ALLC: variants seen among roughly 807,000 people sequenced by gnomAD.
The protein encoded by ALLC is probable inactive allantoicase.
In ALLC, 40 loss-of-function variants were observed where a neutral mutation model predicts 45.0. That is an observed-to-expected ratio of 0.89 (90% CI 0.69 to 1.16). ALLC has a LOEUF of 1.16. ALLC is among the 50% of genes most tolerant of loss of function. The pLI is 0.00. For synonymous variants in ALLC, 176 were observed against 178.1 expected (o/e 0.99, Z 0.09); for missense variants, 488 against 493.1 (o/e 0.99, Z 0.10).
At chr2:3,665,098 G>A (rs1666671076) in intron 1 of ALLC, among the ~76,000 whole-genome samples, 1 of 152,154 alleles carries the variant, frequency 6.6e-6, no homozygotes, top group Admixed American at 6.5e-5. Context: ...TGATGAGTCA[G>A]CCTGCCTGTT....
rs112327491 is a variant in ALLC, at chr2:3,689,521, G to A, written c.512-6196G>A. Among the ~76,000 whole-genome samples, 275 of 151,056 alleles carry A rather than the reference G, an allele frequency of 1.8e-3. 2 individuals are homozygous for A. The highest frequency in any genetic ancestry group is 6.3e-3 in the African/African-American group (263 of 41,430). ...CATGTGTTTGTGTATTTTCCAATGT[G>A]TCTCTTATTATTGATTTCTAGTTTT... On this transcript the variant is annotated intron_variant, in intron 7 of 11. Coordinates refer to ENST00000252505, the MANE Select transcript of ALLC (RefSeq NM_018436.4).
At chr2:3,692,440 C>A (rs1667547908) in intron 7 of ALLC, among the ~76,000 whole-genome samples, 1 of 152,188 alleles carries the variant, frequency 6.6e-6, no homozygotes, top group Non-Finnish European at 1.5e-5. Context: ...ACATTCAAAG[C>A]CACCATGGGC....
chr2:3,663,975 A>C (rs1052184701), intron 1 of ALLC, among the ~76,000 whole-genome samples: 5 of 152,218 alleles, frequency 3.3e-5, no homozygotes, highest in African/African-American at 1.2e-4. Context: ...ATGTCATTAG[A>C]TTTAAATTTA....
chr2:3,649,243 C>CTTTT, the ALLC span, among the ~76,000 whole-genome samples: 1 of 140,502 alleles, frequency 7.1e-6, no homozygotes, highest in Non-Finnish European at 1.6e-5. Context: ...CCAAACACTT[C>CTTTT]TTTTTTTTTT....
In ALLC at chr2:3,701,632, C is replaced by T. The variant is rs774707769; in HGVS notation, c.971C>T (p.Thr324Ile). The T allele has an allele frequency of 1.1e-5, 17 of 1,611,242 alleles. No homozygotes were observed. Among genetic ancestry groups the T allele is most frequent in the Admixed American group, 1.7e-5 (1 of 59,870 alleles). Residue 324 changes from threonine to isoleucine, a missense_variant, in exon 11 of 12, where the codon ACC (threonine) becomes ATC (isoleucine). Physicochemically the swap from Thr to Ile is moderately conservative, Grantham distance 89. Transcript: ENST00000252505. ...AAGTGGAAACCACTGCTTCCAGTGACCAAGGTTCGTGTGGCATGTTATTCG... is the reference window on the plus strand; with the variant it reads ...AAGTGGAAACCACTGCTTCCAGTGATCAAGGTTCGTGTGGCATGTTATTCG... ...AHKWKPLLPV[T>I]KLSPNQSHLF...
chr2:3,651,201 A>T, the ALLC span, among the ~76,000 whole-genome samples: 1 of 151,550 alleles, frequency 6.6e-6, no homozygotes, highest in Non-Finnish European at 1.5e-5. Context: ...ATCTAGTGGG[A>T]AAAGAGGACG....
At chr2:3,671,883 T>G (rs192087747) in intron 2 of ALLC, among the ~76,000 whole-genome samples, 7,892 of 125,626 alleles carry the variant, frequency 0.063, 104 homozygotes, top group African/African-American at 0.089. Context: ...CTGGCTCTGG[T>G]TAGATGGGAG....
chr2:3,681,537 T>C, intron 5 of ALLC, 97 bp from the exon 6 acceptor site: 1 of 791,662 alleles, frequency 1.3e-6, no homozygotes, highest in Non-Finnish European at 2.0e-6. Context: ...TTTAGTGTTA[T>C]TTGCAAAGCG....
At position 3,679,955 on chromosome 2, in the gene ALLC, G is replaced by A. The variant is rs370511953; in HGVS notation, c.259G>A (p.Ala87Thr). The A allele has an allele frequency of 8.5e-5, 137 of 1,613,820 alleles. No individual in the cohort carries two copies. Among genetic ancestry groups the A allele is most frequent in the Middle Eastern group, 8.2e-4 (5 of 6,082 alleles). The part of the protein sequence containing the change: ...VDVSYFTGDY[A>T]PRVSIQAANL... ...CGTTTCTTACTTCACGGGAGATTACGCTCCTCGAGTGTCCATTCAAGCAGC... is the reference window on the plus strand; with the variant it reads ...CGTTTCTTACTTCACGGGAGATTACACTCCTCGAGTGTCCATTCAAGCAGC... The change falls in exon 5 of 12, where the codon GCT becomes ACT. Residue 87 changes from alanine to threonine, a missense_variant. Ala to Thr is a moderately conservative substitution (Grantham distance 58). Coordinates refer to ENST00000252505, the MANE Select transcript of ALLC (RefSeq NM_018436.4).
chr2:3,666,872 C>G (rs888011473), intron 1 of ALLC, among the ~76,000 whole-genome samples: 3 of 152,234 alleles, frequency 2.0e-5, no homozygotes, highest in Non-Finnish European at 4.4e-5. Flanking sequence ...GACGACAGGC[C>G]TGTTCCACAC....
At chr2:3,648,068 G>A in the ALLC span, among the ~76,000 whole-genome samples, 1 of 152,158 alleles carries the variant, frequency 6.6e-6, no homozygotes, top group Non-Finnish European at 1.5e-5. Flanking sequence ...GTGTCCTGGG[G>A]ACAGCAGCGC....
intron 10 of ALLC, among the ~76,000 whole-genome samples, chr2:3,698,068 A>G (rs1259261995): frequency 3.3e-5 from 5 of 151,804 alleles, no homozygotes; most frequent in African/African-American, 1.2e-4. Context: ...GGTTCAAGCG[A>G]TTCTTCCTGC....
upstream of ALLC, among the ~76,000 whole-genome samples, chr2:3,653,752 G>A (rs1037572796): frequency 1.3e-5 from 2 of 152,022 alleles, no homozygotes; most frequent in African/African-American, 4.8e-5. The surrounding 1 kb of genome is among the most constrained non-coding windows in gnomAD (Gnocchi z 4.1). Flanking sequence ...GTGCGTGGCA[G>A]AGCTGAGGGA....
chr2:3,670,793 CAATAA>C (rs1051148400), intron 1 of ALLC, among the ~76,000 whole-genome samples: 1 of 151,932 alleles, frequency 6.6e-6, no homozygotes, highest in Admixed American at 6.6e-5. Context: ...CTCTTTTAAA[CAATAA>C]AATAAAATTT....
chr2:3,697,241 T>A, intron 9 of ALLC, 107 bp from the exon 10 acceptor site: 2 of 787,272 alleles, frequency 2.5e-6, no homozygotes, highest in Non-Finnish European at 4.3e-6. Flanking sequence ...TCTTCTATAG[T>A]AAGAAATAAA....
intron 7 of ALLC, among the ~76,000 whole-genome samples, chr2:3,685,999 T>C (rs566434249): frequency 8.6e-5 from 13 of 151,010 alleles, no homozygotes; most frequent in Admixed American, 2.6e-4. Context: ...ATCCCATTTG[T>C]CTGTTTTTCC....
upstream of ALLC, among the ~76,000 whole-genome samples, chr2:3,658,020 T>C (rs1666479863): frequency 6.6e-6 from 1 of 152,256 alleles, no homozygotes; most frequent in African/African-American, 2.4e-5. Context: ...GGAAGGGCCC[T>C]GGGACCAGCA....
rs1197773824 is a variant in ALLC, at chr2:3,702,594, G to T, written c.*31G>T. The T allele has an allele frequency of 2.0e-6, 3 of 1,501,274 alleles. No individual in the cohort carries two copies. In the Admixed American group the frequency reaches 7.1e-5, roughly 35 times the overall value. 93.0% of individuals were successfully genotyped at this position (1,501,274 alleles called of 1,614,324 possible). On this transcript the variant is annotated 3_prime_UTR_variant, in exon 12 of 12. Transcript: ENST00000252505. ...ACAAAGCCCCGGTGTCGGACACACA[G>T]CAGTAATTTCCCAGTCATAGTCTTC...
chr2:3,672,207 T>G (rs1237085560), intron 2 of ALLC, among the ~76,000 whole-genome samples: 1 of 118,148 alleles, frequency 8.5e-6, no homozygotes. Flanking sequence ...AGATGGGAGG[T>G]CCTCTGGTTC....
Sources: gnomAD v4.1 joint callset for allele counts (sites outside exome capture counted in the v4.1 genomes callset) on GRCh38, gnomAD v4.1.1 for gene constraint, Gnocchi (gnomAD v3.1) non-coding constraint, MANE v1.5 for transcripts, NCBI Gene and HGNC (gene_info 2026-07-23, HGNC 2026-07-21) for gene names.